Variants in SGMS2 observed in about 807,000 individuals in gnomAD.
SGMS2 encodes the protein phosphatidylcholine:ceramide cholinephosphotransferase 2.
A neutral mutation model predicts 43.8 loss-of-function variants in SGMS2; 21 were observed. That is an observed-to-expected ratio of 0.48 (90% CI 0.34 to 0.69). The LOEUF is 0.69. Ranked by LOEUF, SGMS2 falls within the 30% of genes least tolerant of loss-of-function variation. SGMS2 has a pLI of 0.01. For synonymous variants in SGMS2, 167 were observed against 160.6 expected, an observed-to-expected ratio of 1.04 and a Z score of -0.30; for missense variants, 384 against 443.2, an observed-to-expected ratio of 0.87 and a Z score of 1.20.
At chr4:107,834,769 G>A (rs978659910) in intron 1 of SGMS2, among the ~76,000 whole-genome samples, 1 of 152,212 alleles carries the variant, frequency 6.6e-6, no homozygotes. Context: ...GGGCCCAGTT[G>A]CTCATGCCTG....
At chr4:107,893,538 A>T (rs1477953497) in intron 2 of SGMS2, 2 of 152,214 alleles carry the variant, frequency 1.3e-5, no homozygotes, top group Non-Finnish European at 2.9e-5. Flanking sequence ...TTCCCACAAC[A>T]TTGTGCCAAG....
chr4:107,881,660 T>C (rs1218472699), intron 2 of SGMS2, among the ~76,000 whole-genome samples: 1 of 152,178 alleles, frequency 6.6e-6, no homozygotes, highest in Non-Finnish European at 1.5e-5. Flanking sequence ...TAAATTATTG[T>C]TGACTGTAGT....
At chr4:107,852,563 C>T (rs1727211695) in intron 1 of SGMS2, among the ~76,000 whole-genome samples, 1 of 152,064 alleles carries the variant, frequency 6.6e-6, no homozygotes, top group Admixed American at 6.6e-5. Flanking sequence ...TTTATATTTA[C>T]ACATGCAACT....
At chr4:107,897,294 G>T (rs1490755916) in intron 3 of SGMS2, among the ~76,000 whole-genome samples, 1 of 152,180 alleles carries the variant, frequency 6.6e-6, no homozygotes, top group Admixed American at 6.5e-5. Context: ...ATATGCTTAA[G>T]TAATAGACTT....
At chr4:107,885,541 A>G (rs889814112) in intron 2 of SGMS2, among the ~76,000 whole-genome samples, 1 of 152,138 alleles carries the variant, frequency 6.6e-6, no homozygotes, top group Non-Finnish European at 1.5e-5. Context: ...ATTCACTCCT[A>G]AATAAGATTT....
chr4:107,873,790 C>T (rs929578604), intron 2 of SGMS2, among the ~76,000 whole-genome samples: 8 of 152,054 alleles, frequency 5.3e-5, no homozygotes, highest in African/African-American at 1.9e-4. Flanking sequence ...CCACAGTTCC[C>T]ACCACAATTT....
chr4:107,865,768 T>A (rs966566177), intron 2 of SGMS2, among the ~76,000 whole-genome samples: 2 of 152,238 alleles, frequency 1.3e-5, no homozygotes, highest in African/African-American at 4.8e-5. Context: ...CATTAAGATC[T>A]TATTTAATTG....
intron 2 of SGMS2, among the ~76,000 whole-genome samples, chr4:107,882,897 T>C (rs1240184643): frequency 2.0e-5 from 3 of 152,220 alleles, no homozygotes; most frequent in African/African-American, 4.8e-5. Flanking sequence ...TTATTCATTA[T>C]TGCAGTTTAT....
intron 1 of SGMS2, among the ~76,000 whole-genome samples, chr4:107,833,530 C>T (rs1055054288): frequency 3.3e-5 from 5 of 152,040 alleles, no homozygotes; most frequent in South Asian, 2.1e-4. Context: ...CATGATGGGT[C>T]GTAGTTAAAA....
At chr4:107,897,428 T>A (rs1301816377) in intron 3 of SGMS2, among the ~76,000 whole-genome samples, 2 of 152,214 alleles carry the variant, frequency 1.3e-5, no homozygotes, top group Non-Finnish European at 2.9e-5. Flanking sequence ...GTCTGGAAAT[T>A]AACACAATGT....
intron 2 of SGMS2, among the ~76,000 whole-genome samples, chr4:107,870,818 T>C (rs1015880109): frequency 2.0e-5 from 3 of 152,354 alleles, no homozygotes; most frequent in African/African-American, 7.2e-5. Flanking sequence ...TTTTTAAATA[T>C]AAATTTTTGA....
chr4:107,829,673 T>A (rs979179106), intron 1 of SGMS2, among the ~76,000 whole-genome samples: 1 of 152,222 alleles, frequency 6.6e-6, no homozygotes, highest in Admixed American at 6.5e-5. Context: ...TGCAACTAAC[T>A]GAATTATTTC....
chr4:107,903,507 G>T, intron 5 of SGMS2, 121 bp downstream of exon 5: 1 of 802,718 alleles, frequency 1.2e-6, no homozygotes, highest in Non-Finnish European at 2.0e-6. Flanking sequence ...ACGGATGTGT[G>T]TGTATATATG....
intron 2 of SGMS2, 65 bp downstream of exon 2, chr4:107,858,618 G>A (rs1040499668): frequency 6.6e-6 from 1 of 152,236 alleles, no homozygotes; most frequent in South Asian, 2.1e-4. Context: ...TATAGCATGA[G>A]TCTAACTTAC....
chr4:107,875,726 A>G (rs1728867921), intron 2 of SGMS2, among the ~76,000 whole-genome samples: 1 of 152,246 alleles, frequency 6.6e-6, no homozygotes, highest in Non-Finnish European at 1.5e-5. Flanking sequence ...TATAGACTGT[A>G]TATGAATGGT....
At chr4:107,852,165 T>G (rs1727187131) in intron 1 of SGMS2, among the ~76,000 whole-genome samples, 1 of 151,648 alleles carries the variant, frequency 6.6e-6, no homozygotes, top group Non-Finnish European at 1.5e-5. Flanking sequence ...GCCTCCTGAG[T>G]TCACTGCATT....
At chr4:107,883,129 A>G (rs1306314321) in intron 2 of SGMS2, among the ~76,000 whole-genome samples, 1 of 152,172 alleles carries the variant, frequency 6.6e-6, no homozygotes, top group African/African-American at 2.4e-5. Flanking sequence ...ACCCATGTCT[A>G]TGCTCAGTAG....
At chr4:107,837,549 G>A (rs1198504394) in intron 1 of SGMS2, among the ~76,000 whole-genome samples, 2 of 152,154 alleles carry the variant, frequency 1.3e-5, no homozygotes, top group Non-Finnish European at 2.9e-5. Context: ...GACCGAGTTG[G>A]GTAGGGCTGG....
chr4:107,859,639 T>TG (rs1210447433), intron 2 of SGMS2, among the ~76,000 whole-genome samples: 1 of 152,186 alleles, frequency 6.6e-6, no homozygotes, highest in African/African-American at 2.4e-5. Flanking sequence ...CAGGCATTCT[T>TG]GTCAGTGTTG....
Sources: allele counts gnomAD v4.1 joint callset (sites outside exome capture counted in the v4.1 genomes callset), GRCh38; gene constraint gnomAD v4.1.1; transcripts MANE v1.5; gene names NCBI Gene and HGNC (gene_info 2026-07-23, HGNC 2026-07-21).